FAM184B: variants seen among roughly 807,000 people sequenced by gnomAD.
FAM184B encodes the protein protein FAM184B.
In FAM184B, 111 loss-of-function variants were observed where a neutral mutation model predicts 135.9. The observed-to-expected ratio is 0.82, with a 90% CI of 0.70 to 0.96. The LOEUF (loss-of-function observed/expected upper bound fraction) is 0.96. Ranked by LOEUF, FAM184B falls within the 40% of genes least tolerant of loss-of-function variation. The probability of loss-of-function intolerance (pLI) is 0.00; values close to 1 mark genes in which losing one functional copy is unlikely to be tolerated. For missense variants in FAM184B, 1,375 were observed against 1,323.9 expected (o/e 1.04, Z -0.60); for synonymous variants, 552 against 524.8 (o/e 1.05, Z -0.71).
intron 1 of FAM184B, among the ~76,000 whole-genome samples, chr4:17,721,638 G>A (rs1468882294): frequency 6.6e-6 from 1 of 152,162 alleles, no homozygotes; most frequent in East Asian, 1.9e-4. Flanking sequence ...AGCGCACCAT[G>A]ACATGACGCT....
chr4:17,666,814 C>T (rs577678634), intron 7 of FAM184B, among the ~76,000 whole-genome samples: 7 of 152,112 alleles, frequency 4.6e-5, no homozygotes, highest in Admixed American at 4.6e-4. Context: ...TCACCTGTTT[C>T]CCTGATGCCT....
At position 17,639,341 on chromosome 4, in the gene FAM184B, G is replaced by A. The variant is rs1715240709; in HGVS notation, c.2575C>T (p.Gln859Ter). The change falls in exon 14 of 18, where the codon CAG becomes TAG. Residue 859 changes from glutamine to a stop codon, truncating the protein, a stop_gained. Coordinates refer to ENST00000265018, the MANE Select transcript of FAM184B (RefSeq NM_015688.2). LOFTEE classifies it high-confidence loss of function. Reference protein sequence around the residue: ...QRAREVETLRQEHRKEMQAMV... With the variant: ...QRAREVETLR ...GCCTGCATCTCCTTCCGGTGTTCCTGGCGCAGTGTCTCCACCTCCCTGGCC... is the reference window on the plus strand; with the variant it reads ...GCCTGCATCTCCTTCCGGTGTTCCTAGCGCAGTGTCTCCACCTCCCTGGCC... 6.4e-7 allele frequency: 1 copy of A among 1,551,754 alleles called. No homozygotes were observed. Among genetic ancestry groups the A allele is most frequent in the African/African-American group, 1.4e-5 (1 of 73,170 alleles).
intron 12 of FAM184B, among the ~76,000 whole-genome samples, chr4:17,643,557 C>T (rs577552483): frequency 1.1e-4 from 16 of 152,232 alleles, no homozygotes; most frequent in African/African-American, 3.9e-4. Flanking sequence ...CCACATTTCC[C>T]GTCCCCTCCC....
chr4:17,762,073 TTCTC>T lies in FAM184B; in HGVS notation c.141+19082_141+19085del, dbSNP rs146711684. Among the ~76,000 whole-genome samples, 1,187 of 152,318 alleles carry T rather than the reference TTCTC, an allele frequency of 7.8e-3. 18 individuals are homozygous for T. Among genetic ancestry groups the T allele is most frequent in the African/African-American group, 0.027 (1,132 of 41,556 alleles). On this transcript the variant is annotated intron_variant, in intron 1 of 17. Transcript: ENST00000265018. ...TGTCCTTCTCTTCTCCCTCTGCAAA[TTCTC>T]TCTGAGAAAGCTGCCAAGAGACCTC...
At chr4:17,717,094 A>T (rs1717413707) in intron 1 of FAM184B, among the ~76,000 whole-genome samples, 1 of 152,094 alleles carries the variant, frequency 6.6e-6, no homozygotes, top group Non-Finnish European at 1.5e-5. Context: ...CATCAGTGAG[A>T]AACACTGCAC....
At chr4:17,681,167 T>C (rs564563690) in intron 7 of FAM184B, among the ~76,000 whole-genome samples, 2 of 152,334 alleles carry the variant, frequency 1.3e-5, no homozygotes, top group East Asian at 3.9e-4. Flanking sequence ...AGTGCAGCAT[T>C]GCAGCTTACA....
chr4:17,647,891 G>T, intron 11 of FAM184B, 100 bp from the exon 12 acceptor site: 1 of 1,326,680 alleles, frequency 7.5e-7, no homozygotes, highest in Non-Finnish European at 1.0e-6. Flanking sequence ...TGACGTGGGT[G>T]GCTGCTGAAG....
intron 1 of FAM184B, among the ~76,000 whole-genome samples, chr4:17,773,680 C>A (rs1718867429): frequency 6.6e-6 from 1 of 152,202 alleles, no homozygotes; most frequent in African/African-American, 2.4e-5. Flanking sequence ...CGGGTTCAAA[C>A]AATTCTCCTG....
rs553076843 is a variant in FAM184B at position 17,647,581 on chromosome 4, C to A, written c.2346+56G>T. 3.1e-4 allele frequency: 468 copies of A among 1,511,336 alleles called. 1 individual carries two copies. Among genetic ancestry groups the A allele is most frequent in the Admixed American group, 4.0e-4 (20 of 49,522 alleles). 93.6% of individuals were successfully genotyped at this position (1,511,336 alleles called of 1,614,324 possible). A position where few individuals can be genotyped will look rare whatever the true frequency, so the allele number is the denominator to read the frequency against. ...CCATCCTTTATGGGGCTTCTTACTGCGGCCCTGATGCTGCTCTGGGAGGGG... is the reference window on the plus strand; with the variant it reads ...CCATCCTTTATGGGGCTTCTTACTGAGGCCCTGATGCTGCTCTGGGAGGGG... On this transcript the variant is annotated intron_variant, in intron 12 of 17. Transcript: ENST00000265018.
At chr4:17,757,322 G>C (rs776228075) in intron 1 of FAM184B, among the ~76,000 whole-genome samples, 8 of 152,050 alleles carry the variant, frequency 5.3e-5, no homozygotes, top group Non-Finnish European at 8.8e-5. Flanking sequence ...AAATCTAAAA[G>C]ACATATCAAC....
chr4:17,634,541 C>G (rs1715065119), intron 16 of FAM184B, among the ~76,000 whole-genome samples: 1 of 152,124 alleles, frequency 6.6e-6, no homozygotes, highest in African/African-American at 2.4e-5. Context: ...CCAGGCTGGT[C>G]TTGAAATCCT....
At chr4:17,651,800 C>T (rs1170527777) in intron 11 of FAM184B, among the ~76,000 whole-genome samples, 1 of 152,138 alleles carries the variant, frequency 6.6e-6, no homozygotes, top group Non-Finnish European at 1.5e-5. Context: ...GGGCTTCACA[C>T]CCAGGCAGTT....
At chr4:17,768,471 C>T (rs925525889) in intron 1 of FAM184B, among the ~76,000 whole-genome samples, 3 of 152,208 alleles carry the variant, frequency 2.0e-5, no homozygotes, top group Admixed American at 6.5e-5. Flanking sequence ...GACGGGGTGT[C>T]ACCATATTGG....
chr4:17,677,819 C>T (rs1716347058), intron 7 of FAM184B, among the ~76,000 whole-genome samples: 1 of 152,048 alleles, frequency 6.6e-6, no homozygotes, highest in Non-Finnish European at 1.5e-5. Flanking sequence ...AAAAATAATC[C>T]ACCATGATCA....
intron 1 of FAM184B, among the ~76,000 whole-genome samples, chr4:17,719,297 G>A (rs552478067): frequency 3.1e-4 from 47 of 152,236 alleles, no homozygotes; most frequent in Non-Finnish European, 6.3e-4. Context: ...CTACAGCGCC[G>A]ATACTCTGGA....
At chr4:17,638,418 C>T (rs1342992729) in intron 14 of FAM184B, among the ~76,000 whole-genome samples, 1 of 151,588 alleles carries the variant, frequency 6.6e-6, no homozygotes, top group Non-Finnish European at 1.5e-5. Context: ...GTCTCGAACT[C>T]CTGGGCTCAA....
At chr4:17,717,801 A>G (rs1019000765) in intron 1 of FAM184B, among the ~76,000 whole-genome samples, 1 of 152,178 alleles carries the variant, frequency 6.6e-6, no homozygotes, top group African/African-American at 2.4e-5. Flanking sequence ...AAGAAAAAAA[A>G]AAGGACATAA....
In FAM184B at chr4:17,633,849, C is replaced by T. The variant is rs569401398; in HGVS notation, c.2929G>A (p.Val977Met). The T allele has an allele frequency of 4.1e-5, 63 of 1,551,194 alleles. No individual in the cohort carries two copies. The South Asian group carries it at 6.7e-4, about 16-fold the overall frequency. The change falls in exon 17 of 18, where the codon GTG becomes ATG. Residue 977 changes from valine (V) to methionine (M), a missense_variant. Coordinates refer to ENST00000265018, the MANE Select transcript of FAM184B (RefSeq NM_015688.2). ...TTTGCATAGGAGGCGAGGTTCGGCA[C>T]GCTGACCACGCGGCTGGGCACGTCC... The part of the protein sequence containing the change: ...VEDVPSRVVS[V>M]PNLASYAKNF...
chr4:17,744,480 CACACACACACCA>C (rs947920331), intron 1 of FAM184B, among the ~76,000 whole-genome samples: 10 of 144,522 alleles, frequency 6.9e-5, no homozygotes, highest in African/African-American at 1.1e-4. Flanking sequence ...CACACACACA[CACACACACACCA>C]CACACACACA....
Sources: allele counts gnomAD v4.1 joint callset (sites outside exome capture counted in the v4.1 genomes callset), GRCh38; gene constraint gnomAD v4.1.1; transcripts MANE v1.5; gene names NCBI Gene and HGNC (gene_info 2026-07-23, HGNC 2026-07-21).